The following ANK3 variants were observed in gnomAD, a reference collection of about 807,000 sequenced individuals.
ANK3 encodes the protein ankyrin-3.
In ANK3, 57 loss-of-function variants were observed where a neutral mutation model predicts 370.9. The observed-to-expected ratio is 0.15, with a 90% CI of 0.12 to 0.19. The LOEUF is 0.19. Among genes scored for constraint, ANK3 ranks in the 10% least tolerant of loss-of-function variants. The pLI is 1.00. For synonymous variants in ANK3, 1,929 were observed against 1,946.3 expected, an observed-to-expected ratio of 0.99 and a Z score of 0.23; for missense variants, 4,439 against 5,302.1, an observed-to-expected ratio of 0.84 and a Z score of 5.06.
At chr10:60,395,157 T>C (rs775893962) in intron 2 of ANK3, among the ~76,000 whole-genome samples, 2 of 152,240 alleles carry the variant, frequency 1.3e-5, no homozygotes, top group Admixed American at 6.5e-5. Flanking sequence ...AATTTTATGA[T>C]ATAACATACA....
chr10:60,535,694 T>C (rs2076709049), intron 2 of ANK3, among the ~76,000 whole-genome samples: 1 of 152,032 alleles, frequency 6.6e-6, no homozygotes, highest in Non-Finnish European at 1.5e-5. Context: ...AGGGCAAATA[T>C]TGGTTCTGGG....
intron 2 of ANK3, among the ~76,000 whole-genome samples, chr10:60,405,317 C>A (rs1394513109): frequency 1.3e-5 from 2 of 151,976 alleles, no homozygotes; most frequent in East Asian, 1.9e-4. Context: ...TGTACTCATA[C>A]AATTAATCTT....
chr10:60,562,159 C>G (rs2077350105), intron 2 of ANK3, among the ~76,000 whole-genome samples: 1 of 152,142 alleles, frequency 6.6e-6, no homozygotes. Context: ...ACAAACATAT[C>G]TCATGGAATA....
intron 1 of ANK3, among the ~76,000 whole-genome samples, chr10:60,684,313 TC>T (rs936240964): frequency 4.6e-5 from 7 of 152,126 alleles, no homozygotes; most frequent in African/African-American, 1.4e-4. Flanking sequence ...CGCTCAGGCC[TC>T]CACCACCGCC....
At chr10:60,058,347 ATTCATG>A (rs2079610608) in intron 41 of ANK3, among the ~76,000 whole-genome samples, 1 of 152,320 alleles carries the variant, frequency 6.6e-6, no homozygotes, top group South Asian at 2.1e-4. Context: ...AATTAACCAA[ATTCATG>A]ACCAGGAAAT....
At chr10:60,371,006 A>T (rs1369733760) in intron 1 of ANK3, among the ~76,000 whole-genome samples, 4 of 152,144 alleles carry the variant, frequency 2.6e-5, no homozygotes, top group Non-Finnish European at 4.4e-5. Context: ...GGTTACAGAC[A>T]CTCACACATG....
intron 41 of ANK3, among the ~76,000 whole-genome samples, chr10:60,059,012 T>A (rs1205009335): frequency 6.6e-6 from 1 of 152,100 alleles, no homozygotes; most frequent in Non-Finnish European, 1.5e-5. Flanking sequence ...ACCTCATTAT[T>A]TTAAAGGAAC....
chr10:60,189,664 C>T (rs2096433128), intron 16 of ANK3, among the ~76,000 whole-genome samples: 1 of 152,054 alleles, frequency 6.6e-6, no homozygotes, highest in Non-Finnish European at 1.5e-5. Context: ...TTCTCACTTG[C>T]CATACTAAGA....
At chr10:60,599,456 G>A (rs1365623353) in intron 2 of ANK3, among the ~76,000 whole-genome samples, 1 of 152,088 alleles carries the variant, frequency 6.6e-6, no homozygotes, top group Non-Finnish European at 1.5e-5. Context: ...TCACATGAAA[G>A]GCTATTTCTA....
At chr10:60,615,776 T>C (rs2078260058) in intron 1 of ANK3, among the ~76,000 whole-genome samples, 1 of 152,120 alleles carries the variant, frequency 6.6e-6, no homozygotes, top group African/African-American at 2.4e-5. Context: ...GATGACATGG[T>C]TCCTATAATA....
At chr10:60,197,061 A>G (rs1333370359) in intron 14 of ANK3, among the ~76,000 whole-genome samples, 1 of 152,150 alleles carries the variant, frequency 6.6e-6, no homozygotes, top group Non-Finnish European at 1.5e-5. Context: ...ATCCAGGGCA[A>G]GTCTGAACCT....
Position 60,059,410 on chromosome 10 carries a change from T to G in ANK3, c.12616A>C (p.Ser4206Arg), listed in dbSNP as rs1256009201. ...TGAGCGCAGGACTCTAGGTTTCCAC[T>G]TGATGTCTCATTCTGCCAACCTGTA... ...PVDGWQNETS[S>R]GNLESCAQAR... The change falls in exon 41 of 44, where the codon AGT becomes CGT. Residue 4206 changes from serine to arginine, a missense_variant. This residue lies in a region of ANK3 where 242 missense variants were observed against 228.0 expected (regional missense o/e 1.06). Transcript: ENST00000280772. 6.8e-6 allele frequency: 11 copies of G among 1,614,020 alleles called. No homozygotes were observed. Among genetic ancestry groups the G allele is most frequent in the Non-Finnish European group, 9.3e-6 (11 of 1,179,992 alleles).
chr10:60,256,239 T>A (rs1456223392), intron 7 of ANK3, among the ~76,000 whole-genome samples: 1 of 152,222 alleles, frequency 6.6e-6, no homozygotes, highest in Non-Finnish European at 1.5e-5. Context: ...CTGAACAAAT[T>A]GGTAGTGTAG....
intron 1 of ANK3, among the ~76,000 whole-genome samples, chr10:60,662,794 G>T (rs749361827): frequency 2.6e-5 from 4 of 152,124 alleles, no homozygotes; most frequent in African/African-American, 7.2e-5. Flanking sequence ...TGTCGTTGGT[G>T]CTCAAAAGAT....
chr10:60,472,801 C>G (rs1205159629), intron 2 of ANK3, among the ~76,000 whole-genome samples: 2 of 152,182 alleles, frequency 1.3e-5, no homozygotes, highest in South Asian at 2.1e-4. Context: ...GACTGAATAT[C>G]AGGTGAATGA....
intron 23 of ANK3, among the ~76,000 whole-genome samples, chr10:60,161,832 C>CTATAGTTAACAATAATT (rs202025329): frequency 1.1e-4 from 16 of 151,836 alleles, no homozygotes; most frequent in Non-Finnish European, 1.5e-4. Flanking sequence ...AATAGGGCAA[C>CTATAGTTAACAATAATT]TATAGTTAAC....
At chr10:60,711,154 T>C (rs2079699661) in intron 1 of ANK3, among the ~76,000 whole-genome samples, 3 of 151,970 alleles carry the variant, frequency 2.0e-5, no homozygotes, top group Admixed American at 1.3e-4. Flanking sequence ...ACACAAAAAA[T>C]AGATGGGTAA....
chr10:60,698,056 A>C (rs907553038), intron 1 of ANK3, among the ~76,000 whole-genome samples: 1 of 152,194 alleles, frequency 6.6e-6, no homozygotes, highest in Non-Finnish European at 1.5e-5. Context: ...ACAAATTTAC[A>C]AGAAAAAAAC....
intron 1 of ANK3, among the ~76,000 whole-genome samples, chr10:60,720,069 G>C (rs2132023844): frequency 6.6e-6 from 1 of 152,270 alleles, no homozygotes; most frequent in South Asian, 2.1e-4. Context: ...GAGAAGAGGA[G>C]GAAGTTTAAG....
Sources: gnomAD v4.1 joint callset for allele counts (sites outside exome capture counted in the v4.1 genomes callset) on GRCh38, gnomAD v4.1.1 for gene constraint, gnomAD v4.1.1 regional missense constraint, MANE v1.5 for transcripts, NCBI Gene and HGNC (gene_info 2026-07-23, HGNC 2026-07-21) for gene names.